The following IGSF23 variants were observed in gnomAD, a reference collection of about 807,000 sequenced individuals.
IGSF23 encodes the protein immunoglobulin superfamily, member 23.
A neutral mutation model predicts 17.8 loss-of-function variants in IGSF23; 14 were observed. That is an observed-to-expected ratio of 0.79 (90% confidence interval 0.52 to 1.23). The LOEUF (loss-of-function observed/expected upper bound fraction) is 1.23, where lower values mean the gene tolerates loss of function less well. Ranked by LOEUF, IGSF23 falls within the 50% of genes most tolerant of loss-of-function variation. The probability of loss-of-function intolerance (pLI) is 0.00; values close to 1 mark genes in which losing one functional copy is unlikely to be tolerated. For missense variants in IGSF23, 214 were observed against 241.7 expected (o/e 0.89, Z 0.76); for synonymous variants, 85 against 92.5 (o/e 0.92, Z 0.46).
In IGSF23 at chr19:44,624,615, G is replaced by C. The variant is rs1972601336; in HGVS notation, c.391+643G>C. ...GGCCATTTTCAGATGACAGGCTGAG[G>C]CTCAAAGAGGTTAACTATGATGAAA... On this transcript the variant is annotated intron_variant, in intron 2 of 4. Transcript: ENST00000402988. 2.0e-5 allele frequency among the ~76,000 whole-genome samples: 3 copies of C among 152,124 alleles called. No homozygotes were observed. The South Asian group carries it at 6.2e-4, about 32-fold the overall frequency.
At position 44,621,642 on chromosome 19, in the gene IGSF23, T is replaced by A. The variant is rs572511448; in HGVS notation, c.126-2065T>A. Among the ~76,000 whole-genome samples the A allele has an allele frequency of 3.9e-3, 587 of 151,996 alleles. 2 individuals are homozygous for A. The highest frequency in any genetic ancestry group is 0.013 in the African/African-American group (538 of 41,464). ...ACCCTGTCTCAAAAAAAAAAAGGAATAATAATAATTACTTCATAGGATTGT... is the reference window on the plus strand; with the variant it reads ...ACCCTGTCTCAAAAAAAAAAAGGAAAAATAATAATTACTTCATAGGATTGT... On this transcript the variant is annotated intron_variant, in intron 1 of 4. Coordinates refer to ENST00000402988, the MANE Select transcript of IGSF23 (RefSeq NM_001205280.2).
intron 3 of IGSF23, among the ~76,000 whole-genome samples, chr19:44,630,711 A>G (rs758784060): frequency 4.4e-5 from 6 of 137,210 alleles, no homozygotes; most frequent in Admixed American, 2.2e-4. Context: ...AGATGAGGCC[A>G]CGTGTCATGG....
intron 1 of IGSF23, among the ~76,000 whole-genome samples, chr19:44,616,600 G>C (rs943989416): frequency 1.1e-4 from 16 of 151,586 alleles, no homozygotes; most frequent in Non-Finnish European, 1.2e-4. Context: ...GGGAGGCTGA[G>C]GCAGGGGAAT....
intron 1 of IGSF23, among the ~76,000 whole-genome samples, chr19:44,616,633 C>T (rs906124854): frequency 6.8e-6 from 1 of 146,116 alleles, no homozygotes; most frequent in Non-Finnish European, 1.5e-5. Context: ...GGAGGTGGAG[C>T]TTGCAGTGAG....
At chr19:44,620,202 G>T (rs1972483099) in intron 1 of IGSF23, among the ~76,000 whole-genome samples, 1 of 152,206 alleles carries the variant, frequency 6.6e-6, no homozygotes, top group Admixed American at 6.5e-5. Flanking sequence ...CTGGGAGTCG[G>T]AGGTTGCAAT....
chr19:44,634,563 C>T (rs1459146702), intron 3 of IGSF23, among the ~76,000 whole-genome samples: 4 of 152,134 alleles, frequency 2.6e-5, no homozygotes, highest in Admixed American at 1.3e-4. Flanking sequence ...TGACAGCAGT[C>T]GCTCCAGGCG....
Position 44,625,222 on chromosome 19 carries a change from G to T in IGSF23, c.391+1250G>T, listed in dbSNP as rs140678278. Reference sequence around the variant, plus strand: ...TGGGAAGATAATAGTGCCTACCCCAGTGTGTAGTTGTGAGCATTCAATGAG... The same window carrying T: ...TGGGAAGATAATAGTGCCTACCCCATTGTGTAGTTGTGAGCATTCAATGAG... On this transcript the variant is annotated intron_variant, in intron 2 of 4. Coordinates refer to ENST00000402988, the MANE Select transcript of IGSF23 (RefSeq NM_001205280.2). 5.5e-3 allele frequency among the ~76,000 whole-genome samples: 839 copies of T among 152,286 alleles called. 9 individuals are homozygous for T. The highest frequency in any genetic ancestry group is 0.019 in the African/African-American group (800 of 41,552).
At chr19:44,617,102 G>A (rs1972398850) in intron 1 of IGSF23, among the ~76,000 whole-genome samples, 1 of 151,724 alleles carries the variant, frequency 6.6e-6, no homozygotes, top group South Asian at 2.1e-4. Context: ...TCACTCAGTT[G>A]CCCAGGCTAG....
chr19:44,624,708 A>G (rs972916906), intron 2 of IGSF23, among the ~76,000 whole-genome samples: 3 of 152,070 alleles, frequency 2.0e-5, no homozygotes, highest in African/African-American at 4.8e-5. Flanking sequence ...TTACATGAAC[A>G]TGGGAAGCCT....
At chr19:44,629,801 T>A (rs1164070367) in intron 3 of IGSF23, among the ~76,000 whole-genome samples, 1 of 151,774 alleles carries the variant, frequency 6.6e-6, no homozygotes, top group Non-Finnish European at 1.5e-5. Flanking sequence ...GCCCAGCCAA[T>A]TTTTGTATTT....
At chr19:44,634,725 T>C (rs896658588) in intron 3 of IGSF23, among the ~76,000 whole-genome samples, 3 of 150,884 alleles carry the variant, frequency 2.0e-5, no homozygotes, top group African/African-American at 7.3e-5. Context: ...CTCTTGAACC[T>C]GGGAGGCGGA....
Position 44,613,580 on chromosome 19 carries a change from TGA to T in IGSF23, c.-64_-63del, listed in dbSNP as rs1972298534. 6.8e-7 allele frequency: 1 copy of T among 1,477,862 alleles called. No homozygotes were observed. The highest frequency in any genetic ancestry group is 9.0e-7 in the Non-Finnish European group (1 of 1,105,512). The allele number at this position is 1,477,862 out of a possible 1,614,324, so 91.5% of individuals were successfully genotyped here. A position where few individuals can be genotyped will look rare whatever the true frequency, so the allele number is the denominator to read the frequency against. On this transcript the variant is annotated 5_prime_UTR_variant, in exon 1 of 5. It removes the in-frame stop codon of an upstream open reading frame in the 5' UTR. Coordinates refer to ENST00000402988, the MANE Select transcript of IGSF23 (RefSeq NM_001205280.2). ...CTTTGGCCATTCCTTGCCTTTGATG[TGA>T]GTGATAGGAGCGGGCGATTCTGCTT...
Position 44,625,842 on chromosome 19 carries a change from G to A in IGSF23, c.392-1578G>A, listed in dbSNP as rs181896297. Reference sequence around the variant, plus strand: ...GTCAAGTTTTTCCCATGCTGTTCTCGTGATAGTCAATAAGTCTCACGAGTT... The same window carrying A: ...GTCAAGTTTTTCCCATGCTGTTCTCATGATAGTCAATAAGTCTCACGAGTT... On this transcript the variant is annotated intron_variant, in intron 2 of 4. Coordinates refer to ENST00000402988, the MANE Select transcript of IGSF23 (RefSeq NM_001205280.2). Among the ~76,000 whole-genome samples the A allele has an allele frequency of 1.4e-3, 210 of 152,226 alleles. 2 individuals carry two copies. The highest frequency in any genetic ancestry group is 4.8e-3 in the African/African-American group (201 of 41,532).
rs57909683 is a variant in IGSF23, at chr19:44,635,373, TC to T, written c.546-27del. ...TTCTCTCTCTCTCTCTCTCTCTCTC[TC>T]TGTCTCTCTCTCTCTCTCCACTGCA... On this transcript the variant is annotated intron_variant, in intron 3 of 4. Coordinates refer to ENST00000402988, the MANE Select transcript of IGSF23 (RefSeq NM_001205280.2). 4,402 of 901,138 alleles carry T rather than the reference TC, an allele frequency of 4.9e-3. 105 individuals are homozygous for T. The African/African-American group carries it at 0.097, about 20-fold the overall frequency. The allele number at this position is 901,138 out of a possible 1,614,324, so 55.8% of individuals were successfully genotyped here. A position where few individuals can be genotyped will look rare whatever the true frequency, so the allele number is the denominator to read the frequency against.
chr19:44,636,441 T>A lies in IGSF23; in HGVS notation c.*54T>A, dbSNP rs1036732537. On this transcript the variant is annotated 3_prime_UTR_variant, in exon 5 of 5. Transcript: ENST00000402988. ...CAGATGGGTGCTTTGTACCTCTCTA[T>A]CCACGTGGAAAAAAAAACCCATCCC... 6.6e-6 allele frequency: 1 copy of A among 151,946 alleles called. No homozygotes were observed. Among genetic ancestry groups the A allele is most frequent in the Admixed American group, 6.6e-5 (1 of 15,220 alleles). 9.4% of individuals were successfully genotyped at this position (151,946 alleles called of 1,614,324 possible).
At chr19:44,627,272 A>G (rs982283217) in intron 2 of IGSF23, 148 bp from the exon 3 acceptor site, 3 of 735,354 alleles carry the variant, frequency 4.1e-6, no homozygotes, top group African/African-American at 1.8e-5. Flanking sequence ...AGGGCAGGAG[A>G]GCAGGGAGGA....
At chr19:44,618,301 G>A (rs576702036) in intron 1 of IGSF23, 2 of 406,930 alleles carry the variant, frequency 4.9e-6, no homozygotes, top group Non-Finnish European at 1.0e-5. Flanking sequence ...GAGATGCTGG[G>A]AACCCAAGGC....
At position 44,613,849 on chromosome 19, in the gene IGSF23, G is replaced by A. The variant is rs959716256; in HGVS notation, c.125+79G>A. The A allele has an allele frequency of 4.5e-6, 7 of 1,547,146 alleles. No individual in the cohort carries two copies. In the African/African-American group the frequency reaches 6.8e-5, roughly 15 times the overall value. On this transcript the variant is annotated intron_variant, in intron 1 of 4. Coordinates refer to ENST00000402988, the MANE Select transcript of IGSF23 (RefSeq NM_001205280.2). ...CCTGCAGGGTGAGGCCGGGGCTGCAGACGCGACTGTACAGGTCTATGAAGA... is the reference window on the plus strand; with the variant it reads ...CCTGCAGGGTGAGGCCGGGGCTGCAAACGCGACTGTACAGGTCTATGAAGA...
intron 3 of IGSF23, among the ~76,000 whole-genome samples, chr19:44,629,659 G>A (rs1388348061): frequency 1.4e-5 from 2 of 138,680 alleles, no homozygotes; most frequent in Non-Finnish European, 3.1e-5. Flanking sequence ...TTTTGAGACG[G>A]GGTCTCACTC....
Sources: gnomAD v4.1 joint callset for allele counts (sites outside exome capture counted in the v4.1 genomes callset) on GRCh38, gnomAD v4.1.1 for gene constraint, MANE v1.5 for transcripts, NCBI Gene and HGNC (gene_info 2026-07-23, HGNC 2026-07-21) for gene names.